The following TTLL9 variants were observed in gnomAD, a reference collection of about 807,000 sequenced individuals.
TTLL9 encodes the protein tubulin tyrosine ligase like 9, also known as probable tubulin polyglutamylase TTLL9.
In TTLL9, 47 loss-of-function variants were observed where a neutral mutation model predicts 65.6. The observed-to-expected ratio is 0.72, with a 90% CI of 0.57 to 0.91. The LOEUF (loss-of-function observed/expected upper bound fraction) is 0.91, where lower values mean the gene tolerates loss of function less well. Among genes scored for constraint, TTLL9 ranks in the 40% least tolerant of loss-of-function variants. The pLI is 0.00. For synonymous variants in TTLL9, 179 were observed against 204.8 expected (o/e 0.87, Z 1.07); for missense variants, 537 against 568.8 (o/e 0.94, Z 0.57).
At chr20:31,941,713 C>CCACA (rs2064214004) in intron 14 of TTLL9, among the ~76,000 whole-genome samples, 1 of 152,192 alleles carries the variant, frequency 6.6e-6, no homozygotes, top group Non-Finnish European at 1.5e-5. Flanking sequence ...CAGGCACACA[C>CCACA]CACACCTGGC....
chr20:31,922,741 C>T (rs2123566846), intron 7 of TTLL9, among the ~76,000 whole-genome samples: 1 of 152,344 alleles, frequency 6.6e-6, no homozygotes, highest in East Asian at 1.9e-4. Flanking sequence ...TGTAGGTTCA[C>T]ATCCCAGCAA....
At chr20:31,874,362 G>C (rs1185648216) in intron 2 of TTLL9, among the ~76,000 whole-genome samples, 1 of 151,850 alleles carries the variant, frequency 6.6e-6, no homozygotes, top group East Asian at 1.9e-4. Flanking sequence ...CATGGCAAAG[G>C]GTAGAATTAA....
chr20:31,934,791 G>T lies in TTLL9; in HGVS notation c.907G>T (p.Val303Phe). ...TLFRDIDNIF[V>F]KSLQSVQKVI... is the part of the protein sequence containing the mutation. ...CTTCAGGGACATCGACAACATCTTT[G>T]TCAAAAGCCTGCAGAGTGTGCAGAA... Residue 303 changes from valine to phenylalanine, a missense_variant, in exon 12 of 15, where the codon GTC (valine) becomes TTC (phenylalanine). By Grantham distance (50) the Val-to-Phe change is conservative (BLOSUM62 -1). Around this residue, in one of 3 missense-constraint regions of TTLL9, gnomAD observed 205 missense variants for 225.9 expected, o/e 0.91. Coordinates refer to ENST00000535842, the MANE Select transcript of TTLL9 (RefSeq NM_001008409.5). 1 of 1,613,942 alleles carries T rather than the reference G, an allele frequency of 6.2e-7. No individual in the cohort carries two copies. The highest frequency in any genetic ancestry group is 8.5e-7 in the Non-Finnish European group (1 of 1,180,032).
intron 4 of TTLL9, among the ~76,000 whole-genome samples, chr20:31,905,894 G>A (rs539989533): frequency 1.3e-3 from 202 of 152,148 alleles, no homozygotes; most frequent in Non-Finnish European, 2.3e-3. Flanking sequence ...TTAGCTAAGC[G>A]TGGTGGTGCA....
chr20:31,924,970 A>T, intron 8 of TTLL9, 39 bp from the exon 9 acceptor site: 1 of 1,611,520 alleles, frequency 6.2e-7, no homozygotes, highest in Non-Finnish European at 8.5e-7. Flanking sequence ...CTGACGATCA[A>T]TATTTGTTGC....
At chr20:31,898,358 A>G (rs1006815732) in intron 3 of TTLL9, 115 bp from the exon 4 acceptor site, 7 of 742,142 alleles carry the variant, frequency 9.4e-6, no homozygotes, top group Non-Finnish European at 1.6e-5. Flanking sequence ...TCTGAAATAC[A>G]GTGTGGAACT....
chr20:31,933,891 C>T (rs745436556), intron 11 of TTLL9, 33 bp downstream of exon 11: 28 of 1,603,274 alleles, frequency 1.7e-5, no homozygotes, highest in Non-Finnish European at 2.2e-5. Flanking sequence ...TGCACGGGTA[C>T]AGCCCTCTGG....
chr20:31,942,523 C>G (rs573922725), intron 14 of TTLL9, among the ~76,000 whole-genome samples: 1 of 152,332 alleles, frequency 6.6e-6, no homozygotes, highest in East Asian at 1.9e-4. Context: ...CCAGGAGAAG[C>G]AGCAGCGTGG....
At position 31,944,032 on chromosome 20, in the gene TTLL9, C is replaced by T. The variant is rs1379406366; in HGVS notation, c.*1011C>T. 1 of 338,592 alleles carries T rather than the reference C, an allele frequency of 3.0e-6. No individual in the cohort carries two copies. The highest frequency in any genetic ancestry group is 5.9e-6 in the Non-Finnish European group (1 of 169,796). The allele number at this position is 338,592 out of a possible 1,614,324, so 21.0% of individuals were successfully genotyped here. A position where few individuals can be genotyped will look rare whatever the true frequency, so the allele number is the denominator to read the frequency against. On this transcript the variant is annotated 3_prime_UTR_variant, in exon 15 of 15. Transcript: ENST00000535842. ...GTTGAATCTGCCTGCCTAGGTCAAG[C>T]CCGAAGGGAAGACTTTTGGAAGGAA...
chr20:31,913,056 G>A (rs1362168244), intron 6 of TTLL9, among the ~76,000 whole-genome samples: 1 of 152,036 alleles, frequency 6.6e-6, no homozygotes, highest in African/African-American at 2.4e-5. Flanking sequence ...GCTACTTTGG[G>A]GGCTGAGGTG....
At chr20:31,879,657 TG>T in intron 2 of TTLL9, 1 of 627,248 alleles carries the variant, frequency 1.6e-6, no homozygotes, top group Non-Finnish European at 2.7e-6. Context: ...GAGGCGAGGC[TG>T]GAAAAGAAAG....
chr20:31,871,101 T>G, intron 1 of TTLL9, 21 bp from the exon 2 acceptor site: 1 of 1,610,990 alleles, frequency 6.2e-7, no homozygotes. Flanking sequence ...ACTCCTTCCT[T>G]CCATCCATTT....
intron 12 of TTLL9, among the ~76,000 whole-genome samples, chr20:31,936,843 C>G (rs1219916977): frequency 3.3e-5 from 5 of 152,162 alleles, no homozygotes; most frequent in African/African-American, 1.2e-4. Context: ...TGCCTGTAAT[C>G]CCAGCACTTT....
At chr20:31,931,432 C>T (rs756728668) in intron 10 of TTLL9, among the ~76,000 whole-genome samples, 26 of 152,088 alleles carry the variant, frequency 1.7e-4, no homozygotes, top group Non-Finnish European at 3.5e-4. Context: ...CTCGCTTCCA[C>T]GCCTGGCTAA....
chr20:31,883,324 A>G (rs567571772), intron 2 of TTLL9, among the ~76,000 whole-genome samples: 84 of 152,124 alleles, frequency 5.5e-4, no homozygotes, highest in South Asian at 2.1e-3. Context: ...CAGCCTCCCA[A>G]GTAGCTGGGA....
intron 4 of TTLL9, among the ~76,000 whole-genome samples, chr20:31,899,143 G>A (rs2063432879): frequency 6.6e-6 from 1 of 152,268 alleles, no homozygotes; most frequent in Non-Finnish European, 1.5e-5. Flanking sequence ...CATGCTAGAA[G>A]TTTATCTGTC....
chr20:31,887,040 C>G lies in TTLL9; in HGVS notation c.70-156C>G, dbSNP rs41287080. 8.4e-3 allele frequency among the ~76,000 whole-genome samples: 1,275 copies of G among 152,282 alleles called. 7 individuals carry two copies. Among genetic ancestry groups the G allele is most frequent in the Non-Finnish European group, 0.014 (925 of 68,028 alleles). ...GGTCCATTTGCTGGGGACATGGTGG[C>G]CAGTGGGAACTTGATCAGGCTGGAC... On this transcript the variant is annotated intron_variant, in intron 2 of 14. Transcript: ENST00000535842.
Position 31,870,684 on chromosome 20 carries a change from G to A in TTLL9, c.-271G>A, listed in dbSNP as rs2062907043. 1.3e-5 allele frequency: 13 copies of A among 1,029,830 alleles called. No homozygotes were observed. The highest frequency in any genetic ancestry group is 1.6e-5 in the Non-Finnish European group (13 of 788,134). The allele number at this position is 1,029,830 out of a possible 1,614,324, so 63.8% of individuals were successfully genotyped here. A position where few individuals can be genotyped will look rare whatever the true frequency, so the allele number is the denominator to read the frequency against. On this transcript the variant is annotated 5_prime_UTR_variant, in exon 1 of 15. In the 5' UTR this introduces an upstream ATG that the reference lacks. Coordinates refer to ENST00000535842, the MANE Select transcript of TTLL9 (RefSeq NM_001008409.5). This position sits in a 1 kb window ranked among gnomAD's most constrained non-coding sequence, Gnocchi z 6.6. ...GACAACGGCAGTTTGTTGGGGCCGC[G>A]TGGGGCCGCCACCTCCGGAGGTGGG...
chr20:31,909,110 G>T (rs1413272820), intron 5 of TTLL9, among the ~76,000 whole-genome samples: 1 of 150,388 alleles, frequency 6.6e-6, no homozygotes, highest in African/African-American at 2.4e-5. Flanking sequence ...GTGTAGCTTA[G>T]CGGTTGAAAG....
Sources: allele counts gnomAD v4.1 joint callset (sites outside exome capture counted in the v4.1 genomes callset), GRCh38; gene constraint gnomAD v4.1.1; regional missense constraint gnomAD v4.1.1; non-coding constraint Gnocchi (gnomAD v3.1); transcripts MANE v1.5; gene names NCBI Gene and HGNC (gene_info 2026-07-23, HGNC 2026-07-21).